The following SRSF2 variants were observed in gnomAD, a reference collection of about 807,000 sequenced individuals.
The protein encoded by SRSF2 is serine/arginine-rich splicing factor 2.
SRSF2 carries 4 observed loss-of-function variants against 15.7 expected under a neutral mutation model. The ratio of observed to expected loss-of-function variants is 0.26; its 90% CI spans 0.13 to 0.58. The LOEUF (loss-of-function observed/expected upper bound fraction) is 0.58. SRSF2 is among the 20% of genes least tolerant of loss of function. The pLI is 0.90. For missense variants in SRSF2, 147 were observed against 332.4 expected, an observed-to-expected ratio of 0.44 and a Z score of 4.34; for synonymous variants, 192 against 138.9, an observed-to-expected ratio of 1.38 and a Z score of -2.69.
chr17:76,735,405 GAA>G (rs368597985), intron 2 of SRSF2: 3 of 164,222 alleles, frequency 1.8e-5, no homozygotes, highest in Admixed American at 6.9e-5. Context: ...GAAAAAAAAA[GAA>G]AAAAAAAAGG....
At chr17:76,735,973 C>G in intron 2 of SRSF2, 181 bp downstream of exon 2, 1 of 642,742 alleles carries the variant, frequency 1.6e-6, no homozygotes, top group Admixed American at 2.8e-5. Flanking sequence ...CCATTATTAT[C>G]TAAGCTTCAT....
In SRSF2 at chr17:76,737,233, CCT is replaced by C. The variant is rs1343145453; in HGVS notation, c.-75_-74del. On this transcript the variant is annotated 5_prime_UTR_variant, in exon 1 of 3. Transcript: ENST00000359995. The stretch of plus-strand genomic sequence containing the variant: ...CAGCTCTGGGCGGTGCGACGCCGCG[CCT>C]CTCAGGCAGTTGCCTTCCGCGTGGG... 2 of 1,461,218 alleles carry C rather than the reference CCT, an allele frequency of 1.4e-6. No individual in the cohort carries two copies. Among genetic ancestry groups the C allele is most frequent in the African/African-American group, 1.4e-5 (1 of 70,406 alleles). The allele number at this position is 1,461,218 out of a possible 1,614,324, so 90.5% of individuals were successfully genotyped here.
Position 76,737,180 on chromosome 17 carries a change from G to C in SRSF2, c.-20C>G, listed in dbSNP as rs779112874. 5.2e-6 allele frequency: 8 copies of C among 1,529,364 alleles called. No individual in the cohort carries two copies. Among genetic ancestry groups the C allele is most frequent in the Non-Finnish European group, 7.1e-6 (8 of 1,132,508 alleles). 94.7% of individuals were successfully genotyped at this position (1,529,364 alleles called of 1,614,324 possible). The stretch of plus-strand genomic sequence containing the variant: ...GCTCATAGCTCTGAGTGGCGGCCCG[G>C]AGCCCCGCGAACTGGCGCCGGCTTC... On this transcript the variant is annotated 5_prime_UTR_variant, in exon 1 of 3. Coordinates refer to ENST00000359995, the MANE Select transcript of SRSF2 (RefSeq NM_001195427.2).
chr17:76,737,287 A>T lies in SRSF2; in HGVS notation c.-127T>A, dbSNP rs1195496251. 7.6e-7 allele frequency: 1 copy of T among 1,312,170 alleles called. No homozygotes were observed. Among genetic ancestry groups the T allele is most frequent in the Non-Finnish European group, 1.0e-6 (1 of 983,648 alleles). 81.3% of individuals were successfully genotyped at this position (1,312,170 alleles called of 1,614,324 possible). A position where few individuals can be genotyped will look rare whatever the true frequency, so the allele number is the denominator to read the frequency against. ...ACACTGGGAAAGGCCTTGCCGCAGA[A>T]CAGCACGGACGGGCTCCGCAGGCTA... On this transcript the variant is annotated 5_prime_UTR_variant, in exon 1 of 3. Transcript: ENST00000359995.
rs1474816451 is a variant in SRSF2 at position 76,737,154 on chromosome 17, A to G, written c.7T>C (p.Tyr3His). The G allele has an allele frequency of 1.3e-6, 2 of 1,576,748 alleles. No homozygotes were observed. ...TCCACATCGGGAGGGGGGCGGCCGT[A>G]GCTCATAGCTCTGAGTGGCGGCCCG... MSYGRPPPDVEGM... is the reference protein window; with the variant it reads MSHGRPPPDVEGM... The change falls in exon 1 of 3, where the codon TAC becomes CAC. Residue 3 changes from tyrosine (Y) to histidine (H), a missense_variant. Coordinates refer to ENST00000359995, the MANE Select transcript of SRSF2 (RefSeq NM_001195427.2).
intron 2 of SRSF2, 169 bp from the exon 3 acceptor site, chr17:76,735,327 T>A (rs1242401133): frequency 9.5e-6 from 2 of 209,696 alleles, no homozygotes; most frequent in East Asian, 7.2e-5. Flanking sequence ...AAGGCTACCA[T>A]CAGCATGTAC....
intron 1 of SRSF2, 120 bp downstream of exon 1, chr17:76,736,679 G>C: frequency 8.1e-7 from 1 of 1,239,596 alleles, no homozygotes; most frequent in Non-Finnish European, 1.0e-6. Flanking sequence ...CGCGAGACGC[G>C]GCGTGCACCC....
chr17:76,736,101 C>T, intron 2 of SRSF2, 53 bp downstream of exon 2: 1 of 1,518,820 alleles, frequency 6.6e-7, no homozygotes, highest in Non-Finnish European at 8.9e-7. Flanking sequence ...AAAGACCTAC[C>T]CCAAATCCCA....
At position 76,737,228 on chromosome 17, in the gene SRSF2, C is replaced by T. The variant is rs140374091; in HGVS notation, c.-68G>A. ...TTCCTCAGCTCTGGGCGGTGCGACG[C>T]CGCGCCTCTCAGGCAGTTGCCTTCC... On this transcript the variant is annotated 5_prime_UTR_variant, in exon 1 of 3. Coordinates refer to ENST00000359995, the MANE Select transcript of SRSF2 (RefSeq NM_001195427.2). The T allele has an allele frequency of 0.012, 17,101 of 1,465,320 alleles. 140 individuals are homozygous for T. The highest frequency in any genetic ancestry group is 0.014 in the Non-Finnish European group (15,077 of 1,102,696). 90.8% of individuals were successfully genotyped at this position (1,465,320 alleles called of 1,614,324 possible). A position where few individuals can be genotyped will look rare whatever the true frequency, so the allele number is the denominator to read the frequency against.
intron 2 of SRSF2, chr17:76,735,482 T>G: frequency 4.4e-6 from 1 of 228,488 alleles, no homozygotes. Flanking sequence ...AGATAAATTG[T>G]TTCAAATGAA....
rs1312880617 is a variant in SRSF2 at position 76,734,311 on chromosome 17, AG to A, written c.*854del. The A allele has an allele frequency of 8.6e-6, 2 of 232,854 alleles. No individual in the cohort carries two copies. The allele number at this position is 232,854 out of a possible 1,614,324, so 14.4% of individuals were successfully genotyped here. ...CAGATTTACCATTTTTAGGGGGAAG[AG>A]GGAAAAAAAGGTGTATTTATCATCA... On this transcript the variant is annotated 3_prime_UTR_variant, in exon 3 of 3. Coordinates refer to ENST00000359995, the MANE Select transcript of SRSF2 (RefSeq NM_001195427.2).
chr17:76,734,296 AT>A lies in SRSF2; in HGVS notation c.*869del. On this transcript the variant is annotated 3_prime_UTR_variant, in exon 3 of 3. Transcript: ENST00000359995. ...ACATGTAGATATGATCAGATTTACC[AT>A]TTTTAGGGGGAAGAGGGAAAAAAAG... 1 of 230,104 alleles carries A rather than the reference AT, an allele frequency of 4.3e-6. No individual in the cohort carries two copies. The highest frequency in any genetic ancestry group is 2.2e-5 in the African/African-American group (1 of 45,040). The allele number at this position is 230,104 out of a possible 1,614,324, so 14.3% of individuals were successfully genotyped here.
At chr17:76,736,574 C>A in intron 1 of SRSF2, 110 bp from the exon 2 acceptor site, 1 of 1,323,140 alleles carries the variant, frequency 7.6e-7, no homozygotes. Flanking sequence ...ACGCCATTTC[C>A]CCAGTCGCGA....
At position 76,734,731 on chromosome 17, in the gene SRSF2, GTTT is replaced by G. The variant is rs2077384153; in HGVS notation, c.*432_*434del. 1 of 236,360 alleles carries G rather than the reference GTTT, an allele frequency of 4.2e-6. No homozygotes were observed. 14.6% of individuals were successfully genotyped at this position (236,360 alleles called of 1,614,324 possible). On this transcript the variant is annotated 3_prime_UTR_variant, in exon 3 of 3. Transcript: ENST00000359995. ...TACAAATTTACACCAACTTTTGTAGGTTTTTAATTTTAAGGAATGAAGGCAATG... is the reference window on the plus strand; with the variant it reads ...TACAAATTTACACCAACTTTTGTAGGTTAATTTTAAGGAATGAAGGCAATG...
rs1427451925 is a variant in SRSF2, at chr17:76,736,965, G to A, written c.196C>T (p.Arg66Cys). Residue 66 changes from arginine (R) to cysteine (C), a missense_variant, in exon 1 of 3, where the codon CGC becomes TGC. Around this residue, in one of 2 missense-constraint regions of SRSF2, gnomAD observed 22 missense variants for 147.3 expected, o/e 0.15. Coordinates refer to ENST00000359995, the MANE Select transcript of SRSF2 (RefSeq NM_001195427.2). Reference sequence around the variant, plus strand: ...GCATCCATAGCGTCCTCAGCGTCGCGCTTGTCGTGAAAGCGAACGAAGGCG... The same window carrying A: ...GCATCCATAGCGTCCTCAGCGTCGCACTTGTCGTGAAAGCGAACGAAGGCG... ...GFAFVRFHDKRDAEDAMDAMD... is the reference protein window; with the variant it reads ...GFAFVRFHDKCDAEDAMDAMD... 1.2e-6 allele frequency: 2 copies of A among 1,613,526 alleles called. No individual in the cohort carries two copies. Among genetic ancestry groups the A allele is most frequent in the African/African-American group, 1.3e-5 (1 of 75,054 alleles).
rs1431153603 is a variant in SRSF2 at position 76,736,168 on chromosome 17, G to A, written c.659C>T (p.Ser220Phe). 5.6e-6 allele frequency: 9 copies of A among 1,604,862 alleles called. No individual in the cohort carries two copies. The Admixed American group carries it at 6.8e-5, about 12-fold the overall frequency. Residue 220 changes from serine (S) to phenylalanine (F), a missense_variant, in exon 2 of 3, where the codon TCC (serine) becomes TTC (phenylalanine). Coordinates refer to ENST00000359995, the MANE Select transcript of SRSF2 (RefSeq NM_001195427.2). ...PKSPEEEGAV[S>F]S ...CCAGACATTACCATTTTCTTAAGAG[G>A]ACACCGCTCCTTCCTCTTCAGGAGA... is the stretch of plus-strand genomic sequence containing the variant.
At position 76,734,482 on chromosome 17, in the gene SRSF2, C is replaced by G; in HGVS notation, c.*684G>C. ...TTACACAGGAGCAATCGGGAGAAAA[C>G]AGGAAACAGCCAAGCACTCTGCACT... On this transcript the variant is annotated 3_prime_UTR_variant, in exon 3 of 3. Transcript: ENST00000359995. The G allele has an allele frequency of 4.2e-6, 1 of 239,610 alleles. No individual in the cohort carries two copies. The highest frequency in any genetic ancestry group is 8.6e-6 in the Non-Finnish European group (1 of 116,270). 14.8% of individuals were successfully genotyped at this position (239,610 alleles called of 1,614,324 possible).
chr17:76,735,454 T>C (rs2077414852), intron 2 of SRSF2: 1 of 225,902 alleles, frequency 4.4e-6, no homozygotes, highest in African/African-American at 2.2e-5. Context: ...GATCAGAGAA[T>C]TGGTCTATAT....
At chr17:76,736,727 G>A (rs2077514908) in intron 1 of SRSF2, 72 bp downstream of exon 1, 15 of 1,367,910 alleles carry the variant, frequency 1.1e-5, no homozygotes, top group Admixed American at 3.6e-5. Context: ...CTTCGCCGCG[G>A]ACCTTTGTGA....
Sources: allele counts gnomAD v4.1 joint callset, GRCh38; gene constraint gnomAD v4.1.1; regional missense constraint gnomAD v4.1.1; transcripts MANE v1.5; gene names NCBI Gene and HGNC (gene_info 2026-07-23, HGNC 2026-07-21).